Variants in F10 observed in about 807,000 individuals in gnomAD.
The protein encoded by F10 is Stuart-Prower factor.
In F10, 29 loss-of-function variants were observed where a neutral mutation model predicts 37.1. That is an observed-to-expected ratio of 0.78 (90% CI 0.58 to 1.07). The LOEUF (loss-of-function observed/expected upper bound fraction) is 1.07, where lower values mean the gene tolerates loss of function less well. Ranked by LOEUF, F10 falls within the 50% of genes least tolerant of loss-of-function variation. The pLI is 0.00. For missense variants in F10, 539 were observed against 667.9 expected (o/e 0.81, Z 2.13); for synonymous variants, 262 against 268.6 (o/e 0.98, Z 0.24).
intron 1 of F10, among the ~76,000 whole-genome samples, chr13:113,127,616 G>C (rs1369902696): frequency 1.3e-5 from 2 of 152,102 alleles, no homozygotes; most frequent in African/African-American, 4.8e-5. Context: ...AGCAGATCAA[G>C]ACTCATTTGC....
rs767111216 is a variant in F10, at chr13:113,139,362, G to A, written c.262G>A (p.Asp88Asn). 5.0e-6 allele frequency: 8 copies of A among 1,613,722 alleles called. No homozygotes were observed. The highest frequency in any genetic ancestry group is 2.2e-5 in the East Asian group (1 of 44,872). The change falls in exon 4 of 8, where the codon GAC becomes AAC. Residue 88 changes from aspartate (D) to asparagine (N), a missense_variant. Physicochemically the swap from Asp to Asn is conservative, Grantham distance 23. Around this residue, in one of 2 missense-constraint regions of F10, gnomAD observed 130 missense variants for 120.0 expected, o/e 1.08. Coordinates refer to ENST00000375559, the MANE Select transcript of F10 (RefSeq NM_000504.4). This position sits in a 1 kb window ranked among gnomAD's most constrained non-coding sequence, Gnocchi z 5.2. ...NEFWNKYKDG[D>N]QCETSPCQNQ... The stretch of plus-strand genomic sequence containing the variant: ...TCGAAATCCTCTCTTTGCAGATGGC[G>A]ACCAGTGTGAGACCAGTCCTTGCCA...
intron 6 of F10, among the ~76,000 whole-genome samples, chr13:113,145,661 C>T (rs373792324): frequency 2.0e-4 from 31 of 152,248 alleles, no homozygotes; most frequent in African/African-American, 3.9e-4. Context: ...CACAGTTCCA[C>T]GTGGCTGGGG....
chr13:113,135,731 A>G (rs2036472752), intron 2 of F10, among the ~76,000 whole-genome samples: 1 of 152,244 alleles, frequency 6.6e-6, no homozygotes, highest in South Asian at 2.1e-4. Flanking sequence ...CTTCACAATT[A>G]TACAAAAATT....
rs976754461 is a variant in F10, at chr13:113,149,253, C to T, written c.1203C>T (p.Asn401=). The T allele has an allele frequency of 1.9e-6, 3 of 1,613,262 alleles. No homozygotes were observed. The change falls in exon 8 of 8, where the codon AAC becomes AAT. Residue 401 remains asparagine, a synonymous_variant. Coordinates refer to ENST00000375559, the MANE Select transcript of F10 (RefSeq NM_000504.4). This position sits in a 1 kb window ranked among gnomAD's most constrained non-coding sequence, Gnocchi z 7.5. ...KLSSSFIITQ[N]MFCAGYDTKQ... ...CCAGCAGCTTCATCATCACCCAGAA[C>T]ATGTTCTGTGCCGGCTACGACACCA...
Position 113,139,513 on chromosome 13 carries a change from G to A in F10, c.370+43G>A. The stretch of plus-strand genomic sequence containing the variant: ...GTATACCTTCAGATCAGATGCCCCT[G>A]AAGAGTGGCAGGTGGGCGGGGGAAG... On this transcript the variant is annotated intron_variant, in intron 4 of 7. Transcript: ENST00000375559. This position sits in a 1 kb window ranked among gnomAD's most constrained non-coding sequence, Gnocchi z 5.2. 1 of 1,467,696 alleles carries A rather than the reference G, an allele frequency of 6.8e-7. No individual in the cohort carries two copies. The highest frequency in any genetic ancestry group is 1.7e-4 in the Middle Eastern group (1 of 5,796). 90.9% of individuals were successfully genotyped at this position (1,467,696 alleles called of 1,614,324 possible). A position where few individuals can be genotyped will look rare whatever the true frequency, so the allele number is the denominator to read the frequency against.
intron 1 of F10, 47 bp from the exon 2 acceptor site, chr13:113,129,405 G>C: frequency 6.2e-7 from 1 of 1,611,540 alleles, no homozygotes; most frequent in East Asian, 2.2e-5. Flanking sequence ...GGGGGAGCCT[G>C]GGTGAGGGTG....
rs1186050472 is a variant in F10, at chr13:113,139,876, C to T, written c.370+406C>T. 1.3e-5 allele frequency among the ~76,000 whole-genome samples: 2 copies of T among 152,044 alleles called. No homozygotes were observed. Among genetic ancestry groups the T allele is most frequent in the Non-Finnish European group, 2.9e-5 (2 of 68,014 alleles). ...CACCTCTTATTTATGTGTATGGATG[C>T]AGGTGTCAATATTTGTGAATATTTG... On this transcript the variant is annotated intron_variant, in intron 4 of 7. Coordinates refer to ENST00000375559, the MANE Select transcript of F10 (RefSeq NM_000504.4). The surrounding 1 kb of genome is among the most constrained non-coding windows in gnomAD (Gnocchi z 5.2).
intron 1 of F10, chr13:113,128,117 T>C (rs2036388127): frequency 6.6e-6 from 1 of 152,212 alleles, no homozygotes; most frequent in Admixed American, 6.5e-5. Flanking sequence ...CCAAAGTGCC[T>C]GAGGAAAGTG....
At chr13:113,145,984 G>A (rs1163574256) in intron 6 of F10, among the ~76,000 whole-genome samples, 4 of 152,148 alleles carry the variant, frequency 2.6e-5, no homozygotes, top group African/African-American at 9.7e-5. Context: ...TGAATTTTCA[G>A]CGCCCAAAAC....
rs1017845445 is a variant in F10, at chr13:113,141,504, C to T, written c.502+454C>T. Among the ~76,000 whole-genome samples, 12 of 152,116 alleles carry T rather than the reference C, an allele frequency of 7.9e-5. No individual in the cohort carries two copies. In the South Asian group the frequency reaches 8.3e-4, roughly 10 times the overall value. Reference sequence around the variant, plus strand: ...CGGGGCTGGGATAGGAGTCAGGGGACGCTCAGGCTCTGAGCTCCTTTTACC... The same window carrying T: ...CGGGGCTGGGATAGGAGTCAGGGGATGCTCAGGCTCTGAGCTCCTTTTACC... On this transcript the variant is annotated intron_variant, in intron 5 of 7. Coordinates refer to ENST00000375559, the MANE Select transcript of F10 (RefSeq NM_000504.4). The surrounding 1 kb of genome is among the most constrained non-coding windows in gnomAD (Gnocchi z 5.4).
rs920649314 is a variant in F10 at position 113,129,710 on chromosome 13, G to C, written c.231+98G>C. The stretch of plus-strand genomic sequence containing the variant: ...GTCCATCCAGGGGGGCGGCCTGGAG[G>C]AAGGGGCAGCGTGCGCGAAGGCTTT... On this transcript the variant is annotated intron_variant, in intron 2 of 7. Transcript: ENST00000375559. 18 of 1,529,616 alleles carry C rather than the reference G, an allele frequency of 1.2e-5. No homozygotes were observed. The South Asian group carries it at 1.4e-4, about 11-fold the overall frequency. The allele number at this position is 1,529,616 out of a possible 1,614,324, so 94.8% of individuals were successfully genotyped here. A position where few individuals can be genotyped will look rare whatever the true frequency, so the allele number is the denominator to read the frequency against.
Position 113,149,101 on chromosome 13 carries a change from T to C in F10, c.1051T>C (p.Ser351Pro). The C allele has an allele frequency of 1.9e-6, 3 of 1,612,174 alleles. No homozygotes were observed. The highest frequency in any genetic ancestry group is 2.5e-6 in the Non-Finnish European group (3 of 1,179,736). Residue 351 changes from serine (S) to proline (P), a missense_variant, in exon 8 of 8, where the codon TCC (serine) becomes CCC (proline). Around this residue, in one of 2 missense-constraint regions of F10, gnomAD observed 409 missense variants for 547.9 expected, o/e 0.75. Coordinates refer to ENST00000375559, the MANE Select transcript of F10 (RefSeq NM_000504.4). The surrounding 1 kb of genome is among the most constrained non-coding windows in gnomAD (Gnocchi z 7.5). ...CCTCCCCGAGCGTGACTGGGCCGAG[T>C]CCACGCTGATGACGCAGAAGACGGG... ...ACLPERDWAESTLMTQKTGIV... is the reference protein window; with the variant it reads ...ACLPERDWAEPTLMTQKTGIV...
intron 2 of F10, 92 bp downstream of exon 2, chr13:113,129,704 C>CT (rs1193847961): frequency 2.6e-6 from 4 of 1,555,972 alleles, no homozygotes. Context: ...GGGGGGCGGC[C>CT]TGGAGGAAGG....
At chr13:113,134,231 A>T (rs1020617248) in intron 2 of F10, among the ~76,000 whole-genome samples, 17 of 152,352 alleles carry the variant, frequency 1.1e-4, no homozygotes, top group African/African-American at 3.8e-4. Context: ...CTATTTGAAG[A>T]TGACATGATC....
Position 113,139,578 on chromosome 13 carries a change from G to T in F10, c.370+108G>T. The T allele has an allele frequency of 2.3e-6, 2 of 859,418 alleles. No homozygotes were observed. Among genetic ancestry groups the T allele is most frequent in the Admixed American group, 2.0e-5 (1 of 50,214 alleles). The allele number at this position is 859,418 out of a possible 1,614,324, so 53.2% of individuals were successfully genotyped here. On this transcript the variant is annotated intron_variant, in intron 4 of 7. Transcript: ENST00000375559. This position sits in a 1 kb window ranked among gnomAD's most constrained non-coding sequence, Gnocchi z 5.2. ...AATGAAACAATCTTAAGTCATTTCT[G>T]ATTTACAAAGTCTGGGCTCTATTAT...
rs1055327631 is a variant in F10 at position 113,124,899 on chromosome 13, G to A, written c.70+1974G>A. On this transcript the variant is annotated intron_variant, in intron 1 of 7. Transcript: ENST00000375559. ...TGCTCTAGGCCTGTTTCCTGGCCTC[G>A]GGGTGCCAGCGGCCTCACAGCCCAT... 3.3e-5 allele frequency among the ~76,000 whole-genome samples: 5 copies of A among 152,200 alleles called. No homozygotes were observed. In the East Asian group the frequency reaches 5.8e-4, roughly 18 times the overall value.
At chr13:113,148,664 C>T (rs997606072) in intron 7 of F10, among the ~76,000 whole-genome samples, 10 of 152,180 alleles carry the variant, frequency 6.6e-5, no homozygotes, top group African/African-American at 1.2e-4. Context: ...ACGATGCACC[C>T]GCCAAAGGAC....
At position 113,149,082 on chromosome 13, in the gene F10, C is replaced by G; in HGVS notation, c.1032C>G (p.Pro344=). ...TGAACGTGGCGCCTGCCTGCCTCCC[C>G]GAGCGTGACTGGGCCGAGTCCACGC... ...FRMNVAPACL[P]ERDWAESTLM... is the part of the protein sequence containing the mutation. Residue 344 remains proline, a synonymous_variant, in exon 8 of 8, where the codon CCC becomes CCG. Transcript: ENST00000375559. This position sits in a 1 kb window ranked among gnomAD's most constrained non-coding sequence, Gnocchi z 7.5. The G allele has an allele frequency of 6.2e-7, 1 of 1,613,262 alleles. No homozygotes were observed. Among genetic ancestry groups the G allele is most frequent in the Non-Finnish European group, 8.5e-7 (1 of 1,180,006 alleles).
intron 1 of F10, 72 bp downstream of exon 1, chr13:113,122,997 C>A: frequency 6.5e-7 from 1 of 1,527,290 alleles, no homozygotes; most frequent in East Asian, 2.3e-5. Context: ...TGGGGAAACC[C>A]TCTCATCTCT....
Sources: allele counts gnomAD v4.1 joint callset (sites outside exome capture counted in the v4.1 genomes callset), GRCh38; gene constraint gnomAD v4.1.1; regional missense constraint gnomAD v4.1.1; non-coding constraint Gnocchi (gnomAD v3.1); transcripts MANE v1.5; gene names NCBI Gene and HGNC (gene_info 2026-07-23, HGNC 2026-07-21).